Variants in ENTREP2 observed in about 807,000 individuals in gnomAD.
ENTREP2 encodes the protein endosomal transmembrane epsin interactor 2.
the ENTREP2 span, among the ~76,000 whole-genome samples, chr15:29,511,400 C>T: frequency 1.3e-5 from 2 of 150,448 alleles, no homozygotes; most frequent in African/African-American, 4.9e-5. Flanking sequence ...GTGATCTTAG[C>T]TCACTGCAAC....
At chr15:29,514,532 T>A in the ENTREP2 span, among the ~76,000 whole-genome samples, 1 of 152,220 alleles carries the variant, frequency 6.6e-6, no homozygotes, top group Non-Finnish European at 1.5e-5. Context: ...TGTGCAAACA[T>A]CTGTTCGATT....
the ENTREP2 span, among the ~76,000 whole-genome samples, chr15:29,618,602 T>C: frequency 6.6e-6 from 1 of 152,162 alleles, no homozygotes. Flanking sequence ...TATGTTCTTC[T>C]TACAAAAATT....
At chr15:29,518,282 G>A in the ENTREP2 span, among the ~76,000 whole-genome samples, 1 of 152,086 alleles carries the variant, frequency 6.6e-6, no homozygotes, top group Non-Finnish European at 1.5e-5. Context: ...CTCAACTATA[G>A]TAACCATGCC....
the ENTREP2 span, among the ~76,000 whole-genome samples, chr15:29,396,321 C>T: frequency 6.8e-6 from 1 of 146,994 alleles, no homozygotes; most frequent in Non-Finnish European, 1.5e-5. Flanking sequence ...ATGAGTTTGA[C>T]TTTTTTTTTT....
the ENTREP2 span, among the ~76,000 whole-genome samples, chr15:29,284,350 G>A: frequency 6.6e-6 from 1 of 152,016 alleles, no homozygotes; most frequent in Non-Finnish European, 1.5e-5. Context: ...TTGAGGTCAG[G>A]AGTTCCAGAC....
the ENTREP2 span, among the ~76,000 whole-genome samples, chr15:29,317,243 T>A: frequency 3.9e-5 from 6 of 152,332 alleles, no homozygotes; most frequent in East Asian, 1.2e-3. Flanking sequence ...TACATATAAC[T>A]ATTACCATAA....
the ENTREP2 span, among the ~76,000 whole-genome samples, chr15:29,344,930 A>G: frequency 8.2e-6 from 1 of 122,268 alleles, no homozygotes; most frequent in Admixed American, 8.1e-5. Flanking sequence ...GCACGCGCGC[A>G]GACACACACA....
chr15:29,469,071 G>A, the ENTREP2 span, among the ~76,000 whole-genome samples: 1 of 152,082 alleles, frequency 6.6e-6, no homozygotes, highest in East Asian at 1.9e-4. Flanking sequence ...CATCCCGATA[G>A]CCCCCTTCCA....
the ENTREP2 span, among the ~76,000 whole-genome samples, chr15:29,296,165 C>T: frequency 2.6e-5 from 4 of 152,186 alleles, no homozygotes; most frequent in Non-Finnish European, 5.9e-5. Flanking sequence ...TGAAAACAAT[C>T]TCTCTCTATG....
At chr15:29,201,744 T>G in the ENTREP2 span, among the ~76,000 whole-genome samples, 1 of 152,182 alleles carries the variant, frequency 6.6e-6, no homozygotes, top group African/African-American at 2.4e-5. Context: ...ATTTTATTTT[T>G]CTATACTGTC....
the ENTREP2 span, among the ~76,000 whole-genome samples, chr15:29,300,065 G>A: frequency 2.0e-5 from 3 of 151,092 alleles, no homozygotes; most frequent in East Asian, 4.0e-4. Flanking sequence ...GAATGGGTAG[G>A]TGGGTGGACA....
chr15:29,483,623 G>A, the ENTREP2 span, among the ~76,000 whole-genome samples: 1 of 152,144 alleles, frequency 6.6e-6, no homozygotes, highest in Non-Finnish European at 1.5e-5. Flanking sequence ...ACTATATTGT[G>A]TGGTCTAACT....
At chr15:29,170,176 C>T in the ENTREP2 span, among the ~76,000 whole-genome samples, 26,612 of 151,246 alleles carry the variant, frequency 0.18, 2,955 homozygotes, top group Middle Eastern at 0.26. Context: ...GGCGTGGTGG[C>T]GGGTGCTTGT....
chr15:29,129,569 A>G, the ENTREP2 span, among the ~76,000 whole-genome samples: 86 of 152,248 alleles, frequency 5.6e-4, 1 homozygote, highest in African/African-American at 2.0e-3. Context: ...TGCAGACTCG[A>G]ACTCCTGGGG....
the ENTREP2 span, among the ~76,000 whole-genome samples, chr15:29,596,296 AT>A: frequency 5.3e-5 from 8 of 152,180 alleles, no homozygotes; most frequent in Admixed American, 6.5e-5. Context: ...TTCCTACTGA[AT>A]GCTTCACCTC....
chr15:29,613,637 G>C, the ENTREP2 span: 2 of 180,888 alleles, frequency 1.1e-5, no homozygotes, highest in Non-Finnish European at 2.3e-5. Flanking sequence ...AGACATTGAG[G>C]CTCCTTATAA....
chr15:29,123,596 G>C, the ENTREP2 span: 1 of 1,551,686 alleles, frequency 6.4e-7, no homozygotes. Context: ...CAGGTATCTG[G>C]GTCCCCCGCT....
the ENTREP2 span, among the ~76,000 whole-genome samples, chr15:29,382,718 T>C: frequency 9.2e-5 from 14 of 152,274 alleles, no homozygotes; most frequent in East Asian, 2.5e-3. Flanking sequence ...CTGGCCTGCC[T>C]GTCTCCTAGG....
chr15:29,352,225 G>A, the ENTREP2 span, among the ~76,000 whole-genome samples: 887 of 152,238 alleles, frequency 5.8e-3, 5 homozygotes, highest in Non-Finnish European at 9.4e-3. Context: ...GTGAGCCACT[G>A]CACCTGGCTT....
Sources: gnomAD v4.1 joint callset for allele counts (sites outside exome capture counted in the v4.1 genomes callset) on GRCh38, gnomAD v4.1.1 for gene constraint, MANE v1.5 for transcripts, NCBI Gene and HGNC (gene_info 2026-07-23, HGNC 2026-07-21) for gene names.